The following PKD1 variants were observed in gnomAD, a reference collection of about 807,000 sequenced individuals.
The protein encoded by PKD1 is polycystin 1, transient receptor potential channel interacting, also known as polycystin-1.
PKD1 carries 81 observed loss-of-function variants against 361.7 expected under a neutral mutation model. The observed-to-expected ratio is 0.22, with a 90% CI of 0.19 to 0.27. The LOEUF (loss-of-function observed/expected upper bound fraction) is 0.27. Among genes scored for constraint, PKD1 ranks in the 10% least tolerant of loss-of-function variants. PKD1 has a pLI of 1.00. For missense variants in PKD1, 6,399 were observed against 6,118.3 expected (o/e 1.05, Z -1.53); for synonymous variants, 3,615 against 2,818.3 (o/e 1.28, Z -8.95).
At position 2,089,899 on chromosome 16, in the gene PKD1, T is replaced by TG; in HGVS notation, c.12739dup (p.Gln4247ProfsTer139). 1 of 1,611,442 alleles carries TG rather than the reference T, an allele frequency of 6.2e-7. No individual in the cohort carries two copies. The highest frequency in any genetic ancestry group is 8.5e-7 in the Non-Finnish European group (1 of 1,179,550). On this transcript the variant is annotated frameshift_variant, in exon 46 of 46. Transcript: ENST00000262304. LOFTEE classifies it high-confidence loss of function. ...GGGCGCCCGGCTGCTCCTGCGGCCT[T>TG]GCAGGCTGTGCAGCTGCTGCTCCAG... is the stretch of plus-strand genomic sequence containing the variant.
At chr16:2,129,329 G>A (rs1327862568) in intron 1 of PKD1, among the ~76,000 whole-genome samples, 1 of 150,674 alleles carries the variant, frequency 6.6e-6, no homozygotes, top group Non-Finnish European at 1.5e-5. Context: ...CTATTTATTG[G>A]TCTCGCTATG....
chr16:2,105,943 C>A lies in PKD1; in HGVS notation c.7785G>T (p.Val2595=). Residue 2595 remains valine (V), a synonymous_variant, in exon 20 of 46, where the codon GTG becomes GTT. Coordinates refer to ENST00000262304, the MANE Select transcript of PKD1 (RefSeq NM_001009944.3). ...CGGCCTGCCGCAGCAGCCCTGGGAG[C>A]ACACTAGCGGTGAGCCCGTGCAGCC... is the stretch of plus-strand genomic sequence containing the variant. ...TVWLHGLTAS[V]LPGLLRQADP... is the part of the protein sequence containing the mutation. 1 of 1,598,614 alleles carries A rather than the reference C, an allele frequency of 6.3e-7. No individual in the cohort carries two copies. The highest frequency in any genetic ancestry group is 8.5e-7 in the Non-Finnish European group (1 of 1,179,646).
Position 2,097,723 on chromosome 16 carries a change from C to T in PKD1, c.10220+5G>A. The T allele has an allele frequency of 6.2e-7, 1 of 1,611,050 alleles. No homozygotes were observed. Among genetic ancestry groups the T allele is most frequent in the Non-Finnish European group, 8.5e-7 (1 of 1,179,756 alleles). On this transcript the variant is annotated splice_donor_5th_base_variant and intron_variant, in intron 32 of 45. Coordinates refer to ENST00000262304, the MANE Select transcript of PKD1 (RefSeq NM_001009944.3). ...CAGGGCTCGAGGTTTCTCTAGGGAACCCACCTCTTAGAATCATCCAGAAAC... is the reference window on the plus strand; with the variant it reads ...CAGGGCTCGAGGTTTCTCTAGGGAATCCACCTCTTAGAATCATCCAGAAAC...
chr16:2,095,226 G>A (rs2091795932), intron 34 of PKD1: 1 of 152,128 alleles, frequency 6.6e-6, no homozygotes, highest in Admixed American at 6.6e-5. Flanking sequence ...TGGCTAAGAT[G>A]GTGAAACCTC....
rs573899747 is a variant in PKD1 at position 2,100,694 on chromosome 16, G to A, written c.9398-128C>T. 1.7e-5 allele frequency: 13 copies of A among 757,752 alleles called. No homozygotes were observed. The highest frequency in any genetic ancestry group is 2.2e-5 in the Non-Finnish European group (10 of 447,720). The allele number at this position is 757,752 out of a possible 1,614,324, so 46.9% of individuals were successfully genotyped here. A position where few individuals can be genotyped will look rare whatever the true frequency, so the allele number is the denominator to read the frequency against. Reference sequence around the variant, plus strand: ...CACACAGGCAGTCCCGGCTTTGCACGGCTCTGCCATACACAAGGAGCTGCG... The same window carrying A: ...CACACAGGCAGTCCCGGCTTTGCACAGCTCTGCCATACACAAGGAGCTGCG... On this transcript the variant is annotated intron_variant, in intron 26 of 45. Coordinates refer to ENST00000262304, the MANE Select transcript of PKD1 (RefSeq NM_001009944.3). The surrounding 1 kb of genome is among the most constrained non-coding windows in gnomAD (Gnocchi z 4.4).
rs776993907 is a variant in PKD1 at position 2,090,040 on chromosome 16, C to T, written c.12599G>A (p.Ser4200Asn). The T allele has an allele frequency of 1.9e-6, 3 of 1,611,326 alleles. No homozygotes were observed. The highest frequency in any genetic ancestry group is 2.5e-6 in the Non-Finnish European group (3 of 1,179,430). ...SSSQLDGLSV[S>N]LGRLGTRCEP... ...ACACCTTGTCCCCAGCCGGCCCAGG[C>T]TCACGCTCAGCCCATCCAGCTGGCT... is the stretch of plus-strand genomic sequence containing the variant. The change falls in exon 46 of 46, where the codon AGC (serine) becomes AAC (asparagine). Residue 4200 changes from serine (S) to asparagine (N), a missense_variant. Transcript: ENST00000262304.
intron 26 of PKD1, among the ~76,000 whole-genome samples, chr16:2,101,159 T>C (rs2092081500): frequency 6.6e-6 from 1 of 152,064 alleles, no homozygotes; most frequent in South Asian, 2.1e-4. Flanking sequence ...CTAATTTTTT[T>C]GTACTTTTTA....
At chr16:2,112,562 A>C in intron 13 of PKD1, 89 bp from the exon 14 acceptor site, 2 of 1,253,158 alleles carry the variant, frequency 1.6e-6, no homozygotes, top group Non-Finnish European at 2.2e-6. Context: ...CCGAGGCTCC[A>C]CTCTGCAGTC....
rs745713081 is a variant in PKD1, at chr16:2,091,446, G to C, written c.11689C>G (p.Leu3897Val). The change falls in exon 42 of 46, where the codon CTC (leucine) becomes GTC (valine). Residue 3897 changes from leucine (L) to valine (V), a missense_variant. By Grantham distance (32) the Leu-to-Val change is conservative (BLOSUM62 1). Transcript: ENST00000262304. ...ACCGAGGTGAGCAGAGGCAGCGAGA[G>C]GCCCGCGCTGAGGCGGCGCAGCGCA... is the stretch of plus-strand genomic sequence containing the variant. The part of the protein sequence containing the change: ...PFALRRLSAG[L>V]SLPLLTSVCL... The C allele has an allele frequency of 1.3e-5, 16 of 1,216,058 alleles. No individual in the cohort carries two copies. Among genetic ancestry groups the C allele is most frequent in the Non-Finnish European group, 1.5e-5 (15 of 975,122 alleles). The allele number at this position is 1,216,058 out of a possible 1,614,324, so 75.3% of individuals were successfully genotyped here.
rs774929658 is a variant in PKD1, at chr16:2,110,655, G to A, written c.4512C>T (p.Asp1504=). Residue 1504 remains aspartate, a synonymous_variant, in exon 15 of 46, where the codon GAC becomes GAT. Transcript: ENST00000262304. ...CCTCCGGACCCTCGAGCCACCCACC[G>A]TCCCCCAGATCCCACAGGTAGCTGG... ...RPASYLWDLG[D]GGWLEGPEVT... is the part of the protein sequence containing the mutation. 6.3e-5 allele frequency: 102 copies of A among 1,609,830 alleles called. No individual in the cohort carries two copies. Among genetic ancestry groups the A allele is most frequent in the Middle Eastern group, 4.5e-4 (2 of 4,476 alleles).
rs1055561152 is a variant in PKD1, at chr16:2,106,809, C to T, written c.7205G>A (p.Arg2402Gln). 7.1e-6 allele frequency: 11 copies of T among 1,542,524 alleles called. No individual in the cohort carries two copies. The highest frequency in any genetic ancestry group is 1.4e-5 in the African/African-American group (1 of 69,892). The change falls in exon 17 of 46, where the codon CGA (arginine) becomes CAA (glutamine). Residue 2402 changes from arginine to glutamine, a missense_variant. Physicochemically the swap from Arg to Gln is conservative, Grantham distance 43 (BLOSUM62 1). Coordinates refer to ENST00000262304, the MANE Select transcript of PKD1 (RefSeq NM_001009944.3). This position sits in a 1 kb window ranked among gnomAD's most constrained non-coding sequence, Gnocchi z 6.5. ...RCLNCSSGSK[R>Q]GRWAARTFSN... ...CACACCCCGCTCAACACTCACCCCTCGCTTGGAGCCGCTGCTGCAATTGAG... is the reference window on the plus strand; with the variant it reads ...CACACCCCGCTCAACACTCACCCCTTGCTTGGAGCCGCTGCTGCAATTGAG...
chr16:2,092,163 G>A lies in PKD1; in HGVS notation c.11295C>T (p.Pro3765=), dbSNP rs540105938. ...CTGCGGCCGAGCACGTGTGGACCCT[G>A]GGGCCGGGAGGGTCTGGGTAGAGTG... The part of the protein sequence containing the change: ...QEALYPDPPG[P]RVHTCSAAGG... Residue 3765 remains proline (P), a synonymous_variant, in exon 40 of 46, where the codon CCC becomes CCT. Coordinates refer to ENST00000262304, the MANE Select transcript of PKD1 (RefSeq NM_001009944.3). 1 of 1,609,856 alleles carries A rather than the reference G, an allele frequency of 6.2e-7. No homozygotes were observed. The highest frequency in any genetic ancestry group is 1.3e-5 in the African/African-American group (1 of 74,908).
chr16:2,114,534 G>A lies in PKD1; in HGVS notation c.2489C>T (p.Ala830Val), dbSNP rs775988021. Residue 830 changes from alanine (A) to valine (V), a missense_variant, in exon 11 of 46, where the codon GCC becomes GTC. Transcript: ENST00000262304. The stretch of plus-strand genomic sequence containing the variant: ...CACGTAGAGGCGGCCGTCGCGGGGG[G>A]CAGGGTAGATGACCCGCAGCCCAGC... ...PVAGLRVIYP[A>V]PRDGRLYVPT... is the part of the protein sequence containing the mutation. The A allele has an allele frequency of 1.2e-5, 19 of 1,594,352 alleles. No homozygotes were observed. In the East Asian group the frequency reaches 1.8e-4, roughly 15 times the overall value.
chr16:2,112,897 T>C lies in PKD1; in HGVS notation c.3052A>G (p.Arg1018Gly). ...GTGGAGACCTGCAGACCCTGCATCC[T>C]GTTCATCCGCTCCACGGTTACGTTG... ...NYNVTVERMNRMQGLQVSTVP... is the reference protein window; with the variant it reads ...NYNVTVERMNGMQGLQVSTVP... Residue 1018 changes from arginine to glycine, a missense_variant, in exon 13 of 46, where the codon AGG becomes GGG. Arg to Gly is a moderately radical substitution (Grantham distance 125). Transcript: ENST00000262304. The C allele has an allele frequency of 6.2e-7, 1 of 1,607,012 alleles. No individual in the cohort carries two copies. Among genetic ancestry groups the C allele is most frequent in the Non-Finnish European group, 8.5e-7 (1 of 1,179,736 alleles).
At chr16:2,097,048 A>T (rs2091877047) in intron 34 of PKD1, 100 bp downstream of exon 34, 2 of 722,744 alleles carry the variant, frequency 2.8e-6, no homozygotes, top group Non-Finnish European at 4.8e-6. Context: ...CTGCCCTGGC[A>T]CCCCACCCCA....
rs756268361 is a variant in PKD1 at position 2,112,969 on chromosome 16, G to C, written c.2986-6C>G. On this transcript the variant is annotated splice_polypyrimidine_tract_variant and splice_region_variant and intron_variant, in intron 12 of 45. Transcript: ENST00000262304. ...ACGTGGTTGGAGGCCGTCAGCTGCAGGGACAGGCGTCAGTGAGCCCAGGTG... is the reference window on the plus strand; with the variant it reads ...ACGTGGTTGGAGGCCGTCAGCTGCACGGACAGGCGTCAGTGAGCCCAGGTG... The C allele has an allele frequency of 1.9e-6, 3 of 1,598,072 alleles. No individual in the cohort carries two copies. Among genetic ancestry groups the C allele is most frequent in the East Asian group, 2.2e-5 (1 of 44,880 alleles).
intron 34 of PKD1, among the ~76,000 whole-genome samples, chr16:2,095,682 G>C (rs937533754): frequency 6.6e-6 from 1 of 152,244 alleles, no homozygotes; most frequent in African/African-American, 2.4e-5. Context: ...AGGGGTCCAG[G>C]ACAAACCCAA....
rs371441700 is a variant in PKD1, at chr16:2,110,400, C to T, written c.4767G>A (p.Thr1589=). The T allele has an allele frequency of 5.6e-5, 90 of 1,612,480 alleles. No homozygotes were observed. The highest frequency in any genetic ancestry group is 6.8e-5 in the Non-Finnish European group (80 of 1,179,848). The change falls in exon 15 of 46, where the codon ACG becomes ACA. Residue 1589 remains threonine, a synonymous_variant. Transcript: ENST00000262304. ...AGATGGTAGGACCCCCAGGGATGGGCGTGCAGCGGTCACAGAGCACCCAGG... is the reference window on the plus strand; with the variant it reads ...AGATGGTAGGACCCCCAGGGATGGGTGTGCAGCGGTCACAGAGCACCCAGG... ...RYSWVLCDRC[T]PIPGGPTISY... is the part of the protein sequence containing the mutation.
chr16:2,094,168 C>T lies in PKD1; in HGVS notation c.10542G>A (p.Gln3514=). The part of the protein sequence containing the change: ...PGEKTETLAL[Q]RLGELGPPSP... ...TGGGTGGCCCCAGCTCCCCCAGCCT[C>T]TGCAGCGCCAGCGTCTCTGTCTTCT... is the stretch of plus-strand genomic sequence containing the variant. The change falls in exon 35 of 46, where the codon CAG becomes CAA. Residue 3514 remains glutamine (Q), a synonymous_variant. Coordinates refer to ENST00000262304, the MANE Select transcript of PKD1 (RefSeq NM_001009944.3). The T allele has an allele frequency of 6.8e-6, 11 of 1,605,990 alleles. No individual in the cohort carries two copies. Among genetic ancestry groups the T allele is most frequent in the Non-Finnish European group, 9.4e-6 (11 of 1,176,380 alleles).
Sources: gnomAD v4.1 joint callset for allele counts (sites outside exome capture counted in the v4.1 genomes callset) on GRCh38, gnomAD v4.1.1 for gene constraint, Gnocchi (gnomAD v3.1) non-coding constraint, MANE v1.5 for transcripts, NCBI Gene and HGNC (gene_info 2026-07-23, HGNC 2026-07-21) for gene names.